Variants in ZNF256 observed in about 807,000 individuals in gnomAD.
ZNF256 encodes the protein bone marrow zinc finger 3.
Under a neutral mutation model 7.9 loss-of-function variants are expected in ZNF256, and 4 were observed. The observed-to-expected ratio is 0.50, with a 90% CI of 0.25 to 1.15. The LOEUF (loss-of-function observed/expected upper bound fraction) is 1.15, where lower values mean the gene tolerates loss of function less well. Among genes scored for constraint, ZNF256 ranks in the 50% most tolerant of loss-of-function variants. The probability of loss-of-function intolerance (pLI) is 0.15; values close to 1 mark genes in which losing one functional copy is unlikely to be tolerated. For missense variants in ZNF256, 666 were observed against 755.9 expected (o/e 0.88, Z 1.39); for synonymous variants, 260 against 260.4 (o/e 1.00, Z 0.02).
intron 1 of ZNF256, among the ~76,000 whole-genome samples, chr19:57,945,739 C>T (rs2072762355): frequency 6.6e-6 from 1 of 152,186 alleles, no homozygotes; most frequent in East Asian, 1.9e-4. Context: ...TATTCCTTGC[C>T]TCAGACATAG....
rs372993175 is a variant in ZNF256 at position 57,942,004 on chromosome 19, T to C, written c.804A>G (p.Thr268=). The C allele has an allele frequency of 5.6e-6, 9 of 1,613,888 alleles. No homozygotes were observed. The highest frequency in any genetic ancestry group is 1.3e-5 in the African/African-American group (1 of 74,888). The change falls in exon 3 of 3, where the codon ACA becomes ACG. Residue 268 remains threonine, a synonymous_variant. Transcript: ENST00000282308. ...LRVHTSEKPY[T]CGECGKSYRQ... ...TATAGGATTTCCCACATTCTCCACA[T>C]GTATAAGGCTTTTCTGAAGTGTGAA...
chr19:57,946,533 C>A (rs1052979197), intron 1 of ZNF256, among the ~76,000 whole-genome samples: 1 of 152,168 alleles, frequency 6.6e-6, no homozygotes, highest in Admixed American at 6.6e-5. Context: ...TGAAACCACA[C>A]ATCCGGAATC....
intron 1 of ZNF256, among the ~76,000 whole-genome samples, chr19:57,946,082 A>C (rs906818914): frequency 1.3e-5 from 2 of 152,190 alleles, no homozygotes; most frequent in African/African-American, 4.8e-5. Flanking sequence ...GGCCACTGCC[A>C]AACTACACTG....
rs934145593 is a variant in ZNF256, at chr19:57,947,677, G to A, written c.-203C>T. ...AATCAGTCCAGACAAATGCCAAAAC[G>A]ACCGCCACAAGGAGGACAACGGAAG... On this transcript the variant is annotated 5_prime_UTR_variant, in exon 1 of 3. Coordinates refer to ENST00000282308, the MANE Select transcript of ZNF256 (RefSeq NM_005773.3). The A allele has an allele frequency of 8.8e-6, 4 of 453,902 alleles. No homozygotes were observed. The Admixed American group carries it at 1.3e-4, about 15-fold the overall frequency. The allele number at this position is 453,902 out of a possible 1,614,324, so 28.1% of individuals were successfully genotyped here. A position where few individuals can be genotyped will look rare whatever the true frequency, so the allele number is the denominator to read the frequency against.
At position 57,941,574 on chromosome 19, in the gene ZNF256, A is replaced by G. The variant is rs771173513; in HGVS notation, c.1234T>C (p.Cys412Arg). Residue 412 changes from cysteine (C) to arginine (R), a missense_variant, in exon 3 of 3, where the codon TGT becomes CGT. By Grantham distance (180) the Cys-to-Arg change is radical (BLOSUM62 -3). Coordinates refer to ENST00000282308, the MANE Select transcript of ZNF256 (RefSeq NM_005773.3). ...GATCTATAAGTAAACAATTTCCCAC[A>G]TTCACTACACTCATAAGGCCCTTCT... is the stretch of plus-strand genomic sequence containing the variant. The part of the protein sequence containing the change: ...IGEGPYECSE[C>R]GKLFTYRSRF... 8 of 1,614,054 alleles carry G rather than the reference A, an allele frequency of 5.0e-6. No homozygotes were observed. Among genetic ancestry groups the G allele is most frequent in the Non-Finnish European group, 6.8e-6 (8 of 1,180,052 alleles).
chr19:57,943,791 C>T lies in ZNF256; in HGVS notation c.160+143G>A. The T allele has an allele frequency of 2.9e-6, 3 of 1,020,290 alleles. No individual in the cohort carries two copies. The highest frequency in any genetic ancestry group is 4.2e-6 in the Non-Finnish European group (3 of 712,664). The allele number at this position is 1,020,290 out of a possible 1,614,324, so 63.2% of individuals were successfully genotyped here. A position where few individuals can be genotyped will look rare whatever the true frequency, so the allele number is the denominator to read the frequency against. ...CTCAAGGAGAAAAGCAGGCAACATA[C>T]AACCTTAGCCCTACCAACCGCAGCA... On this transcript the variant is annotated intron_variant, in intron 2 of 2. Coordinates refer to ENST00000282308, the MANE Select transcript of ZNF256 (RefSeq NM_005773.3).
In ZNF256 at chr19:57,942,312, T is replaced by C. The variant is rs373517124; in HGVS notation, c.496A>G (p.Lys166Glu). ...CCAACCTCCTTGCAAGTGAAGGGCT[T>C]CCCAGATACTTCAAATGTGCAGCTG... The part of the protein sequence containing the change: ...LSSCTFEVSG[K>E]PFTCKEVGKD... Residue 166 changes from lysine to glutamate, a missense_variant, in exon 3 of 3, where the codon AAG (lysine) becomes GAG (glutamate). By Grantham distance (56) the Lys-to-Glu change is moderately conservative (BLOSUM62 1). Transcript: ENST00000282308. 6.2e-7 allele frequency: 1 copy of C among 1,614,228 alleles called. No homozygotes were observed. Among genetic ancestry groups the C allele is most frequent in the East Asian group, 2.2e-5 (1 of 44,892 alleles).
In ZNF256 at chr19:57,941,527, T is replaced by C. The variant is rs1309673141; in HGVS notation, c.1281A>G (p.Arg427=). 3 of 1,613,990 alleles carry C rather than the reference T, an allele frequency of 1.9e-6. No homozygotes were observed. Among genetic ancestry groups the C allele is most frequent in the African/African-American group, 1.3e-5 (1 of 74,924 alleles). The stretch of plus-strand genomic sequence containing the variant: ...CATGAGATCTTACTCCAGTATGAAC[T>C]CTCTGGTGTTGGAAGAAACGAGATC... ...TYRSRFFQHQ[R]VHTGVRSHEC... The change falls in exon 3 of 3, where the codon AGA becomes AGG. Residue 427 remains arginine (R), a synonymous_variant. Coordinates refer to ENST00000282308, the MANE Select transcript of ZNF256 (RefSeq NM_005773.3).
At chr19:57,946,305 T>G (rs941224231) in intron 1 of ZNF256, among the ~76,000 whole-genome samples, 2 of 152,172 alleles carry the variant, frequency 1.3e-5, no homozygotes, top group Non-Finnish European at 2.9e-5. Context: ...TCTGCCCACT[T>G]AACGCCTCCA....
rs781445819 is a variant in ZNF256 at position 57,943,928 on chromosome 19, C to T, written c.160+6G>A. ...CGGGGCATAGAGGTGGGTGTGAGGA[C>T]CTTACCCAGGGAGGTTGTAAGTGTC... On this transcript the variant is annotated splice_donor_region_variant and intron_variant, in intron 2 of 2. Transcript: ENST00000282308. The T allele has an allele frequency of 1.9e-6, 3 of 1,613,624 alleles. No homozygotes were observed. The highest frequency in any genetic ancestry group is 2.7e-5 in the African/African-American group (2 of 74,898).
Position 57,941,928 on chromosome 19 carries a change from G to A in ZNF256, c.880C>T (p.Pro294Ser). 6.2e-7 allele frequency: 1 copy of A among 1,614,192 alleles called. No homozygotes were observed. The highest frequency in any genetic ancestry group is 8.5e-7 in the Non-Finnish European group (1 of 1,180,036). Residue 294 changes from proline to serine, a missense_variant, in exon 3 of 3, where the codon CCT becomes TCT. Transcript: ENST00000282308. ...TTTCCACATTCATCACATTGATGAG[G>A]TCTTACTCCAGTGTGAATTCTTCGG... ...THRRIHTGVR[P>S]HQCDECGKLF...
rs257652 is a variant in ZNF256 at position 57,944,013 on chromosome 19, C to T, written c.81G>A (p.Glu27=). The change falls in exon 2 of 3, where the codon GAG becomes GAA. Residue 27 remains glutamate (E), a synonymous_variant. Transcript: ENST00000282308. ...EDVAVYFSWK[E]WGLLDEAQKC... The stretch of plus-strand genomic sequence containing the variant: ...TCTGAGCCTCATCAAGAAGACCCCA[C>T]TCCTTCCAGGAGAAGTAAACAGCCA... The T allele has an allele frequency of 1, 1,609,436 of 1,614,044 alleles. 802,464 individuals carry two copies. The highest frequency in any genetic ancestry group is 1 in the African/African-American group (75,002 of 75,020).
chr19:57,943,482 C>T (rs1291785155), intron 2 of ZNF256, among the ~76,000 whole-genome samples: 1 of 151,850 alleles, frequency 6.6e-6, no homozygotes, highest in Non-Finnish European at 1.5e-5. Flanking sequence ...TGATAGCCTA[C>T]AGGAAAAAAA....
At position 57,941,939 on chromosome 19, in the gene ZNF256, G is replaced by C. The variant is rs780338114; in HGVS notation, c.869C>G (p.Thr290Ser). 1 of 1,614,176 alleles carries C rather than the reference G, an allele frequency of 6.2e-7. No individual in the cohort carries two copies. Among genetic ancestry groups the C allele is most frequent in the African/African-American group, 1.3e-5 (1 of 75,040 alleles). ...ATCACATTGATGAGGTCTTACTCCA[G>C]TGTGAATTCTTCGGTGCGTAATAAG... Reference protein sequence around the residue: ...SSLITHRRIHTGVRPHQCDEC... With the variant: ...SSLITHRRIHSGVRPHQCDEC... Residue 290 changes from threonine (T) to serine (S), a missense_variant, in exon 3 of 3, where the codon ACT becomes AGT. Coordinates refer to ENST00000282308, the MANE Select transcript of ZNF256 (RefSeq NM_005773.3).
In ZNF256 at chr19:57,947,478, ACT is replaced by A. The variant is rs2072775697; in HGVS notation, c.-6_-5del. On this transcript the variant is annotated 5_prime_UTR_variant, in exon 1 of 3. Coordinates refer to ENST00000282308, the MANE Select transcript of ZNF256 (RefSeq NM_005773.3). Reference sequence around the variant, plus strand: ...CCGTCAGCTCGGCCGCCGCCATCTGACTCTGTGAGCGGAGCGGGGCCAGAGAG... The same window carrying A: ...CCGTCAGCTCGGCCGCCGCCATCTGACTGTGAGCGGAGCGGGGCCAGAGAG... 1 of 1,249,030 alleles carries A rather than the reference ACT, an allele frequency of 8.0e-7. No individual in the cohort carries two copies. Among genetic ancestry groups the A allele is most frequent in the East Asian group, 3.2e-5 (1 of 31,714 alleles). 77.4% of individuals were successfully genotyped at this position (1,249,030 alleles called of 1,614,324 possible).
intron 1 of ZNF256, 32 bp from the exon 2 acceptor site, chr19:57,944,092 C>T (rs373948459): frequency 4.5e-5 from 73 of 1,611,796 alleles, no homozygotes; most frequent in Non-Finnish European, 5.6e-5. Context: ...AAACCACAAA[C>T]GGTTCCTCCT....
intron 1 of ZNF256, among the ~76,000 whole-genome samples, chr19:57,945,170 C>G (rs111631845): frequency 6.6e-6 from 1 of 152,138 alleles, no homozygotes; most frequent in African/African-American, 2.4e-5. Flanking sequence ...GCTGGGATTA[C>G]AGGCGTGAGC....
At chr19:57,946,688 C>T (rs1169101074) in intron 1 of ZNF256, among the ~76,000 whole-genome samples, 3 of 152,152 alleles carry the variant, frequency 2.0e-5, no homozygotes, top group East Asian at 1.9e-4. Flanking sequence ...TGGTAAATTA[C>T]CTCTTTTTTC....
At position 57,940,844 on chromosome 19, in the gene ZNF256, AC is replaced by A. The variant is rs1356469623; in HGVS notation, c.*79del. 40 of 1,423,114 alleles carry A rather than the reference AC, an allele frequency of 2.8e-5. No individual in the cohort carries two copies. The highest frequency in any genetic ancestry group is 3.7e-5 in the Non-Finnish European group (39 of 1,050,744). 88.2% of individuals were successfully genotyped at this position (1,423,114 alleles called of 1,614,324 possible). On this transcript the variant is annotated 3_prime_UTR_variant, in exon 3 of 3. Coordinates refer to ENST00000282308, the MANE Select transcript of ZNF256 (RefSeq NM_005773.3). ...AATATAAAACATGGTTATTGAAAAT[AC>A]GTATTTATTTATTTATGTCTGTGAA...
Sources: gnomAD v4.1 joint callset for allele counts (sites outside exome capture counted in the v4.1 genomes callset) on GRCh38, gnomAD v4.1.1 for gene constraint, MANE v1.5 for transcripts, NCBI Gene and HGNC (gene_info 2026-07-23, HGNC 2026-07-21) for gene names.